The following SLC22A23 variants were observed in gnomAD, a reference collection of about 807,000 sequenced individuals.
The protein encoded by SLC22A23 is ion transporter protein.
SLC22A23 carries 26 observed loss-of-function variants against 61.0 expected under a neutral mutation model. The observed-to-expected ratio is 0.43, with a 90% CI of 0.31 to 0.59. SLC22A23 has a LOEUF of 0.59. Among genes scored for constraint, SLC22A23 ranks in the 20% least tolerant of loss-of-function variants. The pLI is 0.11. For synonymous variants in SLC22A23, 430 were observed against 413.9 expected, an observed-to-expected ratio of 1.04 and a Z score of -0.47; for missense variants, 796 against 934.7, an observed-to-expected ratio of 0.85 and a Z score of 1.94.
Position 3,269,734 on chromosome 6 carries a change from G to A in SLC22A23, c.*3321C>T, listed in dbSNP as rs1758355467. 1 of 152,854 alleles carries A rather than the reference G, an allele frequency of 6.5e-6. No homozygotes were observed. Among genetic ancestry groups the A allele is most frequent in the South Asian group, 2.1e-4 (1 of 4,830 alleles). 9.5% of individuals were successfully genotyped at this position (152,854 alleles called of 1,614,324 possible). ...CAAAACACACGGGACATGAAAGCGA[G>A]GTGGTGCCTTCTAGACGAGAGGACA... On this transcript the variant is annotated 3_prime_UTR_variant, in exon 10 of 10. Transcript: ENST00000406686.
At chr6:3,374,322 G>A (rs1011748675) in intron 3 of SLC22A23, among the ~76,000 whole-genome samples, 27 of 152,298 alleles carry the variant, frequency 1.8e-4, no homozygotes, top group African/African-American at 6.5e-4. Context: ...GTGAGCGGTC[G>A]GACGCCAGCT....
intron 3 of SLC22A23, among the ~76,000 whole-genome samples, chr6:3,345,734 G>A (rs1764397863): frequency 6.6e-6 from 1 of 152,132 alleles, no homozygotes; most frequent in South Asian, 2.1e-4. Context: ...CGTGGGACTT[G>A]TATTTATATG....
intron 3 of SLC22A23, among the ~76,000 whole-genome samples, chr6:3,354,496 G>C (rs935979604): frequency 1.3e-5 from 2 of 152,178 alleles, no homozygotes; most frequent in African/African-American, 4.8e-5. Flanking sequence ...CAGATCCATC[G>C]ATATAGCAGA....
intron 3 of SLC22A23, among the ~76,000 whole-genome samples, chr6:3,325,711 G>A (rs1763240373): frequency 6.6e-6 from 1 of 152,176 alleles, no homozygotes; most frequent in Admixed American, 6.5e-5. Flanking sequence ...ACAGTTGTAG[G>A]TCTTGTTTTC....
intron 5 of SLC22A23, among the ~76,000 whole-genome samples, chr6:3,294,819 A>G (rs1444752542): frequency 2.0e-5 from 3 of 152,232 alleles, no homozygotes. Flanking sequence ...TTGCTAGGAG[A>G]TAAACCAAGG....
At chr6:3,419,732 G>C (rs74747688) in intron 1 of SLC22A23, among the ~76,000 whole-genome samples, 1 of 152,130 alleles carries the variant, frequency 6.6e-6, no homozygotes, top group African/African-American at 2.4e-5. Flanking sequence ...CCAGAGGCCC[G>C]TTTACAGTTG....
intron 3 of SLC22A23, among the ~76,000 whole-genome samples, chr6:3,339,070 C>A (rs1220248003): frequency 6.6e-6 from 1 of 152,144 alleles, no homozygotes; most frequent in Non-Finnish European, 1.5e-5. Flanking sequence ...AGAGCAGGGT[C>A]GAGGGGAGGG....
intron 1 of SLC22A23, among the ~76,000 whole-genome samples, chr6:3,442,869 T>A (rs1466386229): frequency 6.6e-6 from 1 of 151,958 alleles, no homozygotes; most frequent in Non-Finnish European, 1.5e-5. Context: ...CGACTTAACA[T>A]CCTTAACCAC....
At chr6:3,299,155 A>G (rs1761392325) in intron 4 of SLC22A23, among the ~76,000 whole-genome samples, 1 of 152,212 alleles carries the variant, frequency 6.6e-6, no homozygotes, top group Admixed American at 6.5e-5. Context: ...TAATTTAACA[A>G]ATGTAACAGA....
At chr6:3,416,158 G>C (rs1019428375) in intron 1 of SLC22A23, among the ~76,000 whole-genome samples, 1 of 152,378 alleles carries the variant, frequency 6.6e-6, no homozygotes, top group South Asian at 2.1e-4. Context: ...AACTGAGGCA[G>C]AGGTGGGCAG....
intron 3 of SLC22A23, among the ~76,000 whole-genome samples, chr6:3,362,429 T>TAAAAAA (rs1765533469): frequency 2.4e-5 from 1 of 40,844 alleles, no homozygotes. Context: ...AAATAAAAAA[T>TAAAAAA]AAAAAATAAA....
Position 3,415,775 on chromosome 6 carries a change from T to C in SLC22A23, c.735A>G (p.Leu245=), listed in dbSNP as rs1561965911. Residue 245 remains leucine, a synonymous_variant, in exon 2 of 10, where the codon CTA becomes CTG. Coordinates refer to ENST00000406686, the MANE Select transcript of SLC22A23 (RefSeq NM_015482.2). ...SLLVGLIFGY[L]ITGCIADWVG... ...ACCAGTCAGCAATGCATCCAGTTAT[T>C]AGGTAGCCAAAGATTAATCCAACCA... is the stretch of plus-strand genomic sequence containing the variant. 6.4e-7 allele frequency: 1 copy of C among 1,551,746 alleles called. No individual in the cohort carries two copies. The highest frequency in any genetic ancestry group is 2.4e-5 in the East Asian group (1 of 41,052).
chr6:3,319,455 T>C (rs2127393219), intron 4 of SLC22A23, among the ~76,000 whole-genome samples: 1 of 152,186 alleles, frequency 6.6e-6, no homozygotes, highest in African/African-American at 2.4e-5. Context: ...TTTAAAAGCA[T>C]GTTCCTCATG....
At chr6:3,408,434 G>A (rs528768406) in intron 3 of SLC22A23, among the ~76,000 whole-genome samples, 6 of 152,324 alleles carry the variant, frequency 3.9e-5, no homozygotes, top group African/African-American at 1.2e-4. Flanking sequence ...AAACAATGCC[G>A]TTCAGGTACA....
chr6:3,301,494 G>A (rs1171842242), intron 4 of SLC22A23, among the ~76,000 whole-genome samples: 4 of 152,206 alleles, frequency 2.6e-5, no homozygotes, highest in African/African-American at 4.8e-5. Flanking sequence ...GGCATACAAC[G>A]TGGAAATTTG....
intron 9 of SLC22A23, among the ~76,000 whole-genome samples, chr6:3,279,535 A>AAAAAAAAAAAAAAC (rs2083892983): frequency 6.8e-6 from 1 of 147,172 alleles, no homozygotes; most frequent in Non-Finnish European, 1.5e-5. Context: ...AAAAAAAAAA[A>AAAAAAAAAAAAAAC]ATCCTTGACA....
intron 6 of SLC22A23, among the ~76,000 whole-genome samples, chr6:3,289,290 C>T (rs187585236): frequency 7.2e-5 from 11 of 152,366 alleles, no homozygotes; most frequent in South Asian, 2.1e-4. Flanking sequence ...AGGAGGTCTG[C>T]GCTCACTGGC....
chr6:3,432,343 G>A (rs73720899), intron 1 of SLC22A23: 22,685 of 985,318 alleles, frequency 0.023, 1,311 homozygotes, highest in African/African-American at 0.2. Context: ...AGAAGCCTAA[G>A]TTTAAAATAA....
At chr6:3,436,027 T>C (rs993827928) in intron 1 of SLC22A23, among the ~76,000 whole-genome samples, 4 of 152,122 alleles carry the variant, frequency 2.6e-5, no homozygotes, top group Admixed American at 2.0e-4. Flanking sequence ...TCTGTGGTAT[T>C]TGTTACACAG....
Sources: gnomAD v4.1 joint callset for allele counts (sites outside exome capture counted in the v4.1 genomes callset) on GRCh38, gnomAD v4.1.1 for gene constraint, MANE v1.5 for transcripts, NCBI Gene and HGNC (gene_info 2026-07-23, HGNC 2026-07-21) for gene names.